TMEM132B: variants seen among roughly 807,000 people sequenced by gnomAD.
TMEM132B encodes the protein transmembrane protein 132B.
In TMEM132B, 18 loss-of-function variants were observed where a neutral mutation model predicts 90.8. The observed-to-expected ratio is 0.20, with a 90% CI of 0.14 to 0.29. The LOEUF (loss-of-function observed/expected upper bound fraction) is 0.29, where lower values mean the gene tolerates loss of function less well. Ranked by LOEUF, TMEM132B falls within the 10% of genes least tolerant of loss-of-function variation. The probability of loss-of-function intolerance (pLI) is 1.00; values close to 1 mark genes in which losing one functional copy is unlikely to be tolerated. For synonymous variants in TMEM132B, 504 were observed against 523.3 expected, an observed-to-expected ratio of 0.96 and a Z score of 0.50; for missense variants, 1,096 against 1,326.8, an observed-to-expected ratio of 0.83 and a Z score of 2.70.
chr12:125,386,015 C>T (rs924033653), intron 2 of TMEM132B, among the ~76,000 whole-genome samples: 10 of 152,078 alleles, frequency 6.6e-5, no homozygotes, highest in Non-Finnish European at 1.2e-4. Flanking sequence ...TGTTTTGAGA[C>T]AGGATCTCAC....
At chr12:125,345,889 T>C (rs1186559524) in intron 1 of TMEM132B, among the ~76,000 whole-genome samples, 1 of 152,080 alleles carries the variant, frequency 6.6e-6, no homozygotes, top group Non-Finnish European at 1.5e-5. Context: ...TACCTGCCAA[T>C]GGGAAAAAGA....
rs932867642 is a variant in TMEM132B at position 125,345,368 on chromosome 12, G to C, written c.68-4084G>C. On this transcript the variant is annotated intron_variant, in intron 1 of 8. Coordinates refer to ENST00000682704, the MANE Select transcript of TMEM132B (RefSeq NM_001366854.1). ...CTGAGTGTGTCCCATGTTGTAGCAG[G>C]TTCACATTGTACCATCTTGGGGTTC... Among the ~76,000 whole-genome samples, 26 of 152,132 alleles carry C rather than the reference G, an allele frequency of 1.7e-4. 1 individual carries two copies. The highest frequency in any genetic ancestry group is 1.5e-5 in the Non-Finnish European group (1 of 68,028).
chr12:125,326,442 A>T (rs532865156), intron 1 of TMEM132B: 2 of 697,860 alleles, frequency 2.9e-6, no homozygotes, highest in Non-Finnish European at 2.5e-6. Flanking sequence ...CCTGTTTCCA[A>T]TGAAGACAAT....
At chr12:125,224,033 T>C (rs953078069) in intron 1 of TMEM132B, among the ~76,000 whole-genome samples, 6 of 152,222 alleles carry the variant, frequency 3.9e-5, no homozygotes, top group Non-Finnish European at 7.3e-5. Flanking sequence ...TGCCTCAGCC[T>C]CCCAAAGTGC....
intron 4 of TMEM132B, among the ~76,000 whole-genome samples, chr12:125,557,545 T>G (rs998355625): frequency 6.6e-6 from 1 of 152,202 alleles, no homozygotes; most frequent in Non-Finnish European, 1.5e-5. Context: ...CTACTATCCA[T>G]ATTAAGTAAA....
At chr12:125,395,075 GA>G (rs1181557043) in intron 2 of TMEM132B, among the ~76,000 whole-genome samples, 8 of 152,202 alleles carry the variant, frequency 5.3e-5, no homozygotes, top group African/African-American at 1.9e-4. Context: ...ATAAAGCTGT[GA>G]AAATGGATGT....
chr12:125,313,962 G>C (rs910341461), intron 1 of TMEM132B, among the ~76,000 whole-genome samples: 3 of 151,784 alleles, frequency 2.0e-5, no homozygotes, highest in Admixed American at 1.3e-4. Context: ...ATCTCTTTGT[G>C]TCTCTGTCTT....
At chr12:125,494,320 T>C (rs1593173741) in intron 3 of TMEM132B, among the ~76,000 whole-genome samples, 2 of 73,332 alleles carry the variant, frequency 2.7e-5, no homozygotes, top group South Asian at 5.2e-4. Context: ...ACGCCCCTCC[T>C]CCCCCTCCTC....
chr12:125,354,474 C>T (rs1317217202), intron 2 of TMEM132B, among the ~76,000 whole-genome samples: 1 of 152,190 alleles, frequency 6.6e-6, no homozygotes, highest in Non-Finnish European at 1.5e-5. Context: ...CCCACCACTC[C>T]CTTCTGTCTC....
chr12:125,349,008 T>C lies in TMEM132B; in HGVS notation c.68-444T>C, dbSNP rs1214374928. Among the ~76,000 whole-genome samples the C allele has an allele frequency of 1.3e-5, 2 of 152,200 alleles. No homozygotes were observed. Among genetic ancestry groups the C allele is most frequent in the South Asian group, 2.1e-4 (1 of 4,826 alleles). On this transcript the variant is annotated intron_variant, in intron 1 of 8. Transcript: ENST00000682704. This position sits in a 1 kb window ranked among gnomAD's most constrained non-coding sequence, Gnocchi z 4.1. Reference sequence around the variant, plus strand: ...ATCATGTCCACGTAGATTGTACTTATAGAAGTGATAGAGAGCAGCATAAAT... The same window carrying C: ...ATCATGTCCACGTAGATTGTACTTACAGAAGTGATAGAGAGCAGCATAAAT...
chr12:125,379,911 CACA>C (rs1445803878), intron 2 of TMEM132B, among the ~76,000 whole-genome samples: 9 of 152,166 alleles, frequency 5.9e-5, no homozygotes, highest in African/African-American at 2.2e-4. Context: ...TTTTTCAGAT[CACA>C]ACATTACATT....
At chr12:125,272,382 C>T (rs981489540) in intron 1 of TMEM132B, among the ~76,000 whole-genome samples, 3 of 152,092 alleles carry the variant, frequency 2.0e-5, no homozygotes, top group East Asian at 1.9e-4. Flanking sequence ...ATGAATAGGG[C>T]GTCCCTGTCC....
At chr12:125,225,748 A>G (rs1873666076) in intron 1 of TMEM132B, among the ~76,000 whole-genome samples, 1 of 152,144 alleles carries the variant, frequency 6.6e-6, no homozygotes, top group African/African-American at 2.4e-5. Context: ...GTCTCTGCAT[A>G]TAGGAAAACA....
intron 1 of TMEM132B, among the ~76,000 whole-genome samples, chr12:125,304,654 A>G (rs545539970): frequency 7.9e-5 from 12 of 152,296 alleles, no homozygotes; most frequent in African/African-American, 2.4e-4. Context: ...TCCAAACACC[A>G]GGAACTAGTG....
intron 1 of TMEM132B, among the ~76,000 whole-genome samples, chr12:125,316,439 T>C (rs1876276576): frequency 1.3e-5 from 2 of 152,196 alleles, no homozygotes; most frequent in Admixed American, 6.5e-5. Flanking sequence ...TTTTCCTCAA[T>C]ACATCAAGCT....
intron 3 of TMEM132B, among the ~76,000 whole-genome samples, chr12:125,507,150 C>T (rs1400356489): frequency 6.6e-6 from 1 of 152,188 alleles, no homozygotes; most frequent in East Asian, 1.9e-4. Flanking sequence ...AGACCTCAGA[C>T]ACAAGGATGA....
chr12:125,346,772 C>T (rs1273446235), intron 1 of TMEM132B, among the ~76,000 whole-genome samples: 2 of 152,182 alleles, frequency 1.3e-5, no homozygotes, highest in African/African-American at 4.8e-5. Flanking sequence ...AAACCCAGGT[C>T]TATACTATGG....
intron 4 of TMEM132B, among the ~76,000 whole-genome samples, chr12:125,533,973 A>T (rs758566780): frequency 6.6e-6 from 1 of 152,232 alleles, no homozygotes; most frequent in Admixed American, 6.5e-5. Flanking sequence ...GTAATACTGG[A>T]AAATTATTGT....
intron 2 of TMEM132B, among the ~76,000 whole-genome samples, chr12:125,398,804 T>A (rs927623243): frequency 6.6e-6 from 1 of 152,302 alleles, no homozygotes; most frequent in East Asian, 1.9e-4. Flanking sequence ...TATCTCATCG[T>A]TTCTGTGGGT....
Sources: allele counts gnomAD v4.1 joint callset (sites outside exome capture counted in the v4.1 genomes callset), GRCh38; gene constraint gnomAD v4.1.1; non-coding constraint Gnocchi (gnomAD v3.1); transcripts MANE v1.5; gene names NCBI Gene and HGNC (gene_info 2026-07-23, HGNC 2026-07-21).